NT5DC1: variants seen among roughly 807,000 people sequenced by gnomAD.
NT5DC1 encodes the protein 5'-nucleotidase domain containing 1.
In NT5DC1, 42 loss-of-function variants were observed where a neutral mutation model predicts 59.4. The ratio of observed to expected loss-of-function variants is 0.71; its 90% CI spans 0.55 to 0.92. The LOEUF (loss-of-function observed/expected upper bound fraction) is 0.92. Ranked by LOEUF, NT5DC1 falls within the 40% of genes least tolerant of loss-of-function variation. The pLI is 0.00. For synonymous variants in NT5DC1, 172 were observed against 188.1 expected, an observed-to-expected ratio of 0.91 and a Z score of 0.70; for missense variants, 501 against 537.1, an observed-to-expected ratio of 0.93 and a Z score of 0.66.
At chr6:116,203,327 A>G (rs1459176150) in intron 6 of NT5DC1, among the ~76,000 whole-genome samples, 2 of 151,990 alleles carry the variant, frequency 1.3e-5, no homozygotes, top group African/African-American at 4.8e-5. Context: ...AAATGTGAAC[A>G]TATTTTCAGC....
intron 6 of NT5DC1, among the ~76,000 whole-genome samples, chr6:116,198,315 A>G (rs938549133): frequency 1.3e-5 from 2 of 152,068 alleles, no homozygotes; most frequent in Admixed American, 1.3e-4. Context: ...CCAGTAAATG[A>G]TGGCTTATAT....
At chr6:116,208,636 A>G (rs1183744744) in intron 6 of NT5DC1, among the ~76,000 whole-genome samples, 2 of 152,012 alleles carry the variant, frequency 1.3e-5, no homozygotes, top group African/African-American at 4.8e-5. Context: ...GGATCTTTCA[A>G]CTTCCTTTGA....
chr6:116,123,534 T>C (rs1779200872), intron 6 of NT5DC1, among the ~76,000 whole-genome samples: 1 of 152,260 alleles, frequency 6.6e-6, no homozygotes, highest in African/African-American at 2.4e-5. Flanking sequence ...TGTGGAATCC[T>C]CTGCAGCATA....
chr6:116,138,591 CGAA>C (rs1779683423), intron 6 of NT5DC1, among the ~76,000 whole-genome samples: 1 of 152,166 alleles, frequency 6.6e-6, no homozygotes, highest in East Asian at 1.9e-4. Context: ...GTTTTTATTT[CGAA>C]GAAGTGTCAA....
At chr6:116,190,844 T>C (rs1327942192) in intron 6 of NT5DC1, among the ~76,000 whole-genome samples, 1 of 151,970 alleles carries the variant, frequency 6.6e-6, no homozygotes, top group Admixed American at 6.6e-5. Flanking sequence ...CAGAGACAGG[T>C]TCTCAGTTTC....
At chr6:116,175,822 T>G (rs990158848) in intron 6 of NT5DC1, among the ~76,000 whole-genome samples, 1 of 152,222 alleles carries the variant, frequency 6.6e-6, no homozygotes, top group Non-Finnish European at 1.5e-5. Context: ...TGTTTATCCT[T>G]TTCACTAGAT....
chr6:116,144,262 G>A (rs547120670), intron 6 of NT5DC1, among the ~76,000 whole-genome samples: 1 of 152,268 alleles, frequency 6.6e-6, no homozygotes, highest in South Asian at 2.1e-4. Flanking sequence ...CAGCACTTTG[G>A]GAGGCCGAGG....
intron 6 of NT5DC1, among the ~76,000 whole-genome samples, chr6:116,184,938 AT>A (rs1267971714): frequency 1.6e-4 from 24 of 151,248 alleles, no homozygotes; most frequent in Non-Finnish European, 3.5e-4. Flanking sequence ...GTTTGTTCTT[AT>A]TTCTCTAGCT....
At position 116,244,293 on chromosome 6, in the gene NT5DC1, G is replaced by C. The variant is rs1324763252; in HGVS notation, c.*269G>C. The C allele has an allele frequency of 1.3e-5, 3 of 235,184 alleles. No homozygotes were observed. Among genetic ancestry groups the C allele is most frequent in the East Asian group, 9.8e-5 (1 of 10,202 alleles). 14.6% of individuals were successfully genotyped at this position (235,184 alleles called of 1,614,324 possible). On this transcript the variant is annotated 3_prime_UTR_variant, in exon 12 of 12. Transcript: ENST00000319550. ...TTCACCTGGGGACACACACTCACAC[G>C]CACAGTCACTCTTACACATATGCCT... is the stretch of plus-strand genomic sequence containing the variant.
At chr6:116,110,732 A>G in intron 3 of NT5DC1, 118 bp from the exon 4 acceptor site, 1 of 810,392 alleles carries the variant, frequency 1.2e-6, no homozygotes, top group Non-Finnish European at 2.1e-6. Flanking sequence ...TTGAAAACAG[A>G]AAAAATACAT....
At chr6:116,177,299 A>G (rs1055061809) in intron 6 of NT5DC1, among the ~76,000 whole-genome samples, 4 of 152,096 alleles carry the variant, frequency 2.6e-5, no homozygotes, top group African/African-American at 9.7e-5. Flanking sequence ...CTGTGTTTTT[A>G]TTCATGGGCG....
intron 6 of NT5DC1, among the ~76,000 whole-genome samples, chr6:116,217,667 T>C (rs2099364877): frequency 6.6e-6 from 1 of 152,148 alleles, no homozygotes; most frequent in Admixed American, 6.5e-5. Context: ...CTAATCATAC[T>C]CTTGCCTTGA....
At chr6:116,189,789 C>A (rs2114489593) in intron 6 of NT5DC1, among the ~76,000 whole-genome samples, 1 of 152,008 alleles carries the variant, frequency 6.6e-6, no homozygotes, top group East Asian at 1.9e-4. Flanking sequence ...CATTCATATG[C>A]AGGAACTAGA....
At chr6:116,132,323 C>T (rs917908457) in intron 6 of NT5DC1, among the ~76,000 whole-genome samples, 2 of 152,158 alleles carry the variant, frequency 1.3e-5, no homozygotes, top group Admixed American at 6.5e-5. Context: ...ATTCTTCTTA[C>T]TGAAAGCATG....
chr6:116,172,496 A>G (rs778360147), intron 6 of NT5DC1, among the ~76,000 whole-genome samples: 13 of 151,466 alleles, frequency 8.6e-5, no homozygotes, highest in Non-Finnish European at 1.6e-4. Context: ...CAATTTTTCT[A>G]TTTTGAGTAG....
intron 6 of NT5DC1, among the ~76,000 whole-genome samples, chr6:116,190,960 A>G (rs377067421): frequency 6.6e-6 from 1 of 152,092 alleles, no homozygotes; most frequent in East Asian, 1.9e-4. Context: ...ACTGGAAAAG[A>G]CTTGAGAAAT....
At chr6:116,153,406 T>C (rs1780101045) in intron 6 of NT5DC1, among the ~76,000 whole-genome samples, 2 of 152,202 alleles carry the variant, frequency 1.3e-5, no homozygotes, top group Non-Finnish European at 2.9e-5. Context: ...TGTCAGATGA[T>C]ACATTCAGTT....
At chr6:116,110,518 C>G (rs1329175586) in intron 3 of NT5DC1, among the ~76,000 whole-genome samples, 1 of 152,164 alleles carries the variant, frequency 6.6e-6, no homozygotes, top group Non-Finnish European at 1.5e-5. Flanking sequence ...CTAATCCACA[C>G]AGTTGTTTTC....
At chr6:116,103,338 A>T (rs1359157924) in intron 1 of NT5DC1, among the ~76,000 whole-genome samples, 1 of 152,128 alleles carries the variant, frequency 6.6e-6, no homozygotes, top group Non-Finnish European at 1.5e-5. Context: ...TTAATCACTT[A>T]ACAGTGATTT....
Sources: allele counts gnomAD v4.1 joint callset (sites outside exome capture counted in the v4.1 genomes callset), GRCh38; gene constraint gnomAD v4.1.1; transcripts MANE v1.5; gene names NCBI Gene and HGNC (gene_info 2026-07-23, HGNC 2026-07-21).